SLC35F1: variants seen among roughly 807,000 people sequenced by gnomAD.
SLC35F1 encodes the protein chromosome 6 open reading frame 169.
Under a neutral mutation model 48.7 loss-of-function variants are expected in SLC35F1, and 14 were observed. The ratio of observed to expected loss-of-function variants is 0.29; its 90% confidence interval spans 0.19 to 0.45. The LOEUF is 0.45. Ranked by LOEUF, SLC35F1 falls within the 20% of genes least tolerant of loss-of-function variation. The pLI, the probability that SLC35F1 is intolerant of heterozygous loss-of-function variation, is 1.00. For missense variants in SLC35F1, 404 were observed against 500.0 expected (o/e 0.81, Z 1.83); for synonymous variants, 190 against 202.2 (o/e 0.94, Z 0.51).
intron 2 of SLC35F1, among the ~76,000 whole-genome samples, chr6:118,156,761 A>G (rs757391776): frequency 4.7e-4 from 71 of 152,164 alleles, no homozygotes; most frequent in Non-Finnish European, 1.5e-4. Context: ...CTTCCAGCTT[A>G]TAGGTGGATT....
At chr6:118,267,243 G>GGTGAAA in intron 4 of SLC35F1, 89 bp downstream of exon 4, 2 of 1,475,494 alleles carry the variant, frequency 1.4e-6, no homozygotes, top group Non-Finnish European at 1.9e-6. Flanking sequence ...TGAAAACAAG[G>GGTGAAA]ACCTTAGGAA....
chr6:118,258,186 G>C (rs1261248917), intron 3 of SLC35F1, among the ~76,000 whole-genome samples: 1 of 152,004 alleles, frequency 6.6e-6, no homozygotes, highest in Non-Finnish European at 1.5e-5. Flanking sequence ...TATTACTTTG[G>C]ATTATTTTAT....
chr6:118,314,308 A>C lies in SLC35F1; in HGVS notation c.*56A>C, dbSNP rs186629963. 5.2e-3 allele frequency: 7,803 copies of C among 1,493,982 alleles called. 29 individuals carry two copies. Among genetic ancestry groups the C allele is most frequent in the Non-Finnish European group, 5.8e-3 (6,266 of 1,074,444 alleles). The allele number at this position is 1,493,982 out of a possible 1,614,324, so 92.5% of individuals were successfully genotyped here. On this transcript the variant is annotated 3_prime_UTR_variant, in exon 8 of 8. Transcript: ENST00000360388. ...CTCATTGGCCATGTTTTTGCCCATCATCTCTGTATTGTACATAGAGAAAGG... is the reference window on the plus strand; with the variant it reads ...CTCATTGGCCATGTTTTTGCCCATCCTCTCTGTATTGTACATAGAGAAAGG...
intron 2 of SLC35F1, among the ~76,000 whole-genome samples, chr6:118,199,854 A>G (rs1038866850): frequency 2.6e-5 from 4 of 152,216 alleles, no homozygotes; most frequent in African/African-American, 9.6e-5. Flanking sequence ...TAGACAGGAC[A>G]CATAATAAAT....
chr6:118,112,617 C>T (rs1162166316), intron 1 of SLC35F1, among the ~76,000 whole-genome samples: 1 of 152,122 alleles, frequency 6.6e-6, no homozygotes, highest in Non-Finnish European at 1.5e-5. Flanking sequence ...AACACTTGCA[C>T]TACCTGTGAA....
intron 1 of SLC35F1, among the ~76,000 whole-genome samples, chr6:118,024,226 C>T (rs1481522664): frequency 1.3e-5 from 2 of 152,144 alleles, no homozygotes; most frequent in African/African-American, 2.4e-5. Flanking sequence ...ACCACTCCTA[C>T]GGCATCCCAA....
At chr6:118,066,540 C>A (rs1326084190) in intron 1 of SLC35F1, among the ~76,000 whole-genome samples, 2 of 152,128 alleles carry the variant, frequency 1.3e-5, no homozygotes, top group African/African-American at 4.8e-5. Context: ...CCCTTAACTG[C>A]AGCCTTGAAA....
chr6:118,220,194 A>AT (rs1430763264), intron 2 of SLC35F1, among the ~76,000 whole-genome samples: 2 of 152,120 alleles, frequency 1.3e-5, no homozygotes, highest in African/African-American at 2.4e-5. Context: ...TAAATCAAAT[A>AT]TTTTTTAAAA....
chr6:117,923,273 G>A (rs1035502031), intron 1 of SLC35F1, among the ~76,000 whole-genome samples: 2 of 151,930 alleles, frequency 1.3e-5, no homozygotes, highest in African/African-American at 4.8e-5. Context: ...CTACAGCCCA[G>A]CCATTTCAGC....
At chr6:118,072,671 G>T (rs1230657612) in intron 1 of SLC35F1, among the ~76,000 whole-genome samples, 1 of 151,942 alleles carries the variant, frequency 6.6e-6, no homozygotes, top group East Asian at 1.9e-4. Context: ...AATATTGGAG[G>T]CTTCCTTTGG....
chr6:118,039,808 G>GTTTTTTTTTTTTT (rs201281915), intron 1 of SLC35F1, among the ~76,000 whole-genome samples: 1 of 119,192 alleles, frequency 8.4e-6, no homozygotes, highest in Non-Finnish European at 1.7e-5. Flanking sequence ...TGTTTTTTTT[G>GTTTTTTTTTTTTT]TTTTTTTTTT....
chr6:118,089,844 G>A (rs1315165233), intron 1 of SLC35F1, among the ~76,000 whole-genome samples: 5 of 152,156 alleles, frequency 3.3e-5, no homozygotes, highest in African/African-American at 1.2e-4. Context: ...TGCAAAACTG[G>A]AATGAAAGTC....
chr6:118,290,112 C>T (rs889782319), intron 7 of SLC35F1, among the ~76,000 whole-genome samples: 1 of 152,044 alleles, frequency 6.6e-6, no homozygotes, highest in African/African-American at 2.4e-5. Context: ...ATTTAACAAC[C>T]CTTAATTATT....
intron 7 of SLC35F1, among the ~76,000 whole-genome samples, chr6:118,302,004 A>T (rs976063637): frequency 3.3e-5 from 5 of 152,112 alleles, no homozygotes; most frequent in African/African-American, 1.2e-4. Context: ...TTGCACTTCA[A>T]ATGTGCAAAC....
chr6:118,120,536 C>T (rs976735776), intron 1 of SLC35F1, among the ~76,000 whole-genome samples: 3 of 152,132 alleles, frequency 2.0e-5, no homozygotes, highest in Non-Finnish European at 4.4e-5. Context: ...AACTTATCCA[C>T]CCTTTTTTCA....
At chr6:117,917,635 G>A (rs1457401267) in intron 1 of SLC35F1, among the ~76,000 whole-genome samples, 1 of 152,146 alleles carries the variant, frequency 6.6e-6, no homozygotes, top group Admixed American at 6.6e-5. Flanking sequence ...AGGTGGGAAA[G>A]ACTGGGAGAG....
chr6:117,979,684 T>G (rs750398825), intron 1 of SLC35F1, among the ~76,000 whole-genome samples: 1 of 152,208 alleles, frequency 6.6e-6, no homozygotes, highest in African/African-American at 2.4e-5. Context: ...TATGTCTTTC[T>G]TTTCTTCTCT....
At chr6:118,230,868 G>A (rs1366151992) in intron 2 of SLC35F1, among the ~76,000 whole-genome samples, 1 of 152,108 alleles carries the variant, frequency 6.6e-6, no homozygotes. Flanking sequence ...GGCTGAAGCA[G>A]GAGGATCACT....
intron 1 of SLC35F1, among the ~76,000 whole-genome samples, chr6:118,019,810 T>C (rs1020514107): frequency 2.0e-5 from 3 of 152,224 alleles, no homozygotes; most frequent in African/African-American, 7.2e-5. Context: ...GCATTGTTTT[T>C]TAGTTTTTAG....
Sources: gnomAD v4.1 joint callset for allele counts (sites outside exome capture counted in the v4.1 genomes callset) on GRCh38, gnomAD v4.1.1 for gene constraint, MANE v1.5 for transcripts, NCBI Gene and HGNC (gene_info 2026-07-23, HGNC 2026-07-21) for gene names.